TMEM67: variants seen among roughly 807,000 people sequenced by gnomAD.
The protein encoded by TMEM67 is meckelin.
TMEM67 carries 124 observed loss-of-function variants against 136.6 expected under a neutral mutation model. The ratio of observed to expected loss-of-function variants is 0.91; its 90% confidence interval spans 0.78 to 1.05. The LOEUF is 1.05. Ranked by LOEUF, TMEM67 falls within the 50% of genes least tolerant of loss-of-function variation. The probability of loss-of-function intolerance (pLI) is 0.00; values close to 1 mark genes in which losing one functional copy is unlikely to be tolerated. For synonymous variants in TMEM67, 364 were observed against 390.5 expected, an observed-to-expected ratio of 0.93 and a Z score of 0.80; for missense variants, 1,107 against 1,178.4, an observed-to-expected ratio of 0.94 and a Z score of 0.89.
intron 20 of TMEM67, among the ~76,000 whole-genome samples, chr8:93,798,019 C>T (rs971275942): frequency 2.0e-5 from 3 of 152,096 alleles, no homozygotes; most frequent in African/African-American, 7.2e-5. Context: ...GTGTTACGTA[C>T]ATTCACATTG....
Position 93,793,301 on chromosome 8 carries a change from A to G in TMEM67, c.1674+5A>G, listed in dbSNP as rs863224813. ...AGTCCCATGATTGATTTACAGGTAT[A>G]ATCTCAGGAGTTTTTTAAGAATATT... is the stretch of plus-strand genomic sequence containing the variant. On this transcript the variant is annotated splice_donor_5th_base_variant and intron_variant, in intron 16 of 27. Coordinates refer to ENST00000453321, the MANE Select transcript of TMEM67 (RefSeq NM_153704.6). 6.2e-7 allele frequency: 1 copy of G among 1,605,224 alleles called. No individual in the cohort carries two copies. The highest frequency in any genetic ancestry group is 1.3e-5 in the African/African-American group (1 of 74,716).
intron 26 of TMEM67, among the ~76,000 whole-genome samples, chr8:93,811,512 C>T (rs1458916564): frequency 1.3e-5 from 2 of 152,184 alleles, no homozygotes; most frequent in Non-Finnish European, 2.9e-5. Flanking sequence ...TTCACTCTAT[C>T]CTGTAAACCT....
intron 7 of TMEM67, among the ~76,000 whole-genome samples, chr8:93,779,229 A>G (rs1431976466): frequency 1.3e-5 from 2 of 151,978 alleles, no homozygotes; most frequent in African/African-American, 2.4e-5. Context: ...TCTTCTCTAC[A>G]CTGTTTATTC....
At chr8:93,754,880 G>A (rs765696955), upstream of TMEM67, 8 of 1,592,844 alleles carry the variant, frequency 5.0e-6, no homozygotes, top group South Asian at 4.4e-5. Context: ...GGCTGATGGG[G>A]GGCTGGAGGC....
chr8:93,785,323 G>A lies in TMEM67; in HGVS notation c.1233G>A (p.Leu411=), dbSNP rs778615236. The A allele has an allele frequency of 6.2e-7, 1 of 1,609,192 alleles. No individual in the cohort carries two copies. Among genetic ancestry groups the A allele is most frequent in the African/African-American group, 1.3e-5 (1 of 74,826 alleles). ...ATGAAAATCAACATCAATATATTTT[G>A]GCTGTGCCTGTGTTAAACCTAAATC... The part of the protein sequence containing the change: ...YTDENQHQYI[L]AVPVLNLNLQ... The change falls in exon 12 of 28, where the codon TTG becomes TTA. Residue 411 remains leucine (L), a synonymous_variant. Coordinates refer to ENST00000453321, the MANE Select transcript of TMEM67 (RefSeq NM_153704.6).
At chr8:93,779,333 C>T (rs1333936338) in intron 7 of TMEM67, among the ~76,000 whole-genome samples, 1 of 152,074 alleles carries the variant, frequency 6.6e-6, no homozygotes. Flanking sequence ...TTTGTTATTA[C>T]CGACCTTCTG....
At chr8:93,830,022 C>T in the TMEM67 span, among the ~76,000 whole-genome samples, 53 of 152,286 alleles carry the variant, frequency 3.5e-4, no homozygotes, top group African/African-American at 1.3e-3. Flanking sequence ...TGCCCTATAA[C>T]CTGGAGGAAG....
At position 93,804,804 on chromosome 8, in the gene TMEM67, A is replaced by T. The variant is rs763132582; in HGVS notation, c.2365A>T (p.Ile789Phe). Residue 789 changes from isoleucine to phenylalanine, a missense_variant, in exon 23 of 28, where the codon ATT (isoleucine) becomes TTT (phenylalanine). By Grantham distance (21) the Ile-to-Phe change is conservative. This residue lies in a region of TMEM67 where 925 missense variants were observed against 1,002.4 expected (regional missense o/e 0.92). Transcript: ENST00000453321. ...ATCCCACAAATGTTTTGGATATTAC[A>T]TTCATGGTAGATCAGTACATGGGCA... ...LLSHKCFGYY[I>F]HGRSVHGHAD... 1 of 1,608,828 alleles carries T rather than the reference A, an allele frequency of 6.2e-7. No homozygotes were observed. Among genetic ancestry groups the T allele is most frequent in the South Asian group, 1.1e-5 (1 of 90,914 alleles).
chr8:93,789,319 G>T (rs749548999), intron 14 of TMEM67, among the ~76,000 whole-genome samples: 1 of 152,034 alleles, frequency 6.6e-6, no homozygotes, highest in Non-Finnish European at 1.5e-5. Flanking sequence ...ATTAGTTTCC[G>T]TTGACTGAGC....
Position 93,781,744 on chromosome 8 carries a change from G to A in TMEM67, c.1065G>A (p.Gln355=). The change falls in exon 10 of 28, where the codon CAG becomes CAA. Residue 355 remains glutamine (Q), a splice_region_variant and synonymous_variant. Coordinates refer to ENST00000453321, the MANE Select transcript of TMEM67 (RefSeq NM_153704.6). The stretch of plus-strand genomic sequence containing the variant: ...AAACTTTAGAAGGAGGTGTTTTACA[G>A]GTAAGCATGATTCTAGTTAAAGAAT... ...KWQTLEGGVL[Q]LCPDTETRLN... 3 of 1,580,150 alleles carry A rather than the reference G, an allele frequency of 1.9e-6. No homozygotes were observed. The South Asian group carries it at 3.4e-5, about 18-fold the overall frequency.
intron 3 of TMEM67, among the ~76,000 whole-genome samples, chr8:93,763,637 T>G (rs904136910): frequency 2.0e-5 from 3 of 152,214 alleles, no homozygotes; most frequent in African/African-American, 7.2e-5. Flanking sequence ...CTTCTCTTTT[T>G]TTTTGGAGGC....
intron 22 of TMEM67, 58 bp from the exon 23 acceptor site, chr8:93,804,704 A>T: frequency 5.1e-6 from 5 of 981,126 alleles, no homozygotes; most frequent in South Asian, 4.0e-5. Flanking sequence ...GGAAAACTTA[A>T]TTTTTTATTG....
At chr8:93,777,612 C>T (rs1388587073) in intron 7 of TMEM67, among the ~76,000 whole-genome samples, 1 of 152,014 alleles carries the variant, frequency 6.6e-6, no homozygotes, top group East Asian at 1.9e-4. Context: ...CATTATTTAC[C>T]CAGTAGTCAT....
chr8:93,828,881 T>C, the TMEM67 span, among the ~76,000 whole-genome samples: 2 of 152,200 alleles, frequency 1.3e-5, no homozygotes, highest in Non-Finnish European at 2.9e-5. Context: ...TTTAGTTCAT[T>C]TTTATTATAA....
At chr8:93,786,106 G>A (rs1252983315) in intron 12 of TMEM67, 117 bp from the exon 13 acceptor site, 1 of 940,412 alleles carries the variant, frequency 1.1e-6, no homozygotes, top group East Asian at 2.5e-5. Context: ...ACATGAGTTA[G>A]AGAACGCCAT....
At chr8:93,770,051 C>T (rs529992009) in intron 6 of TMEM67, among the ~76,000 whole-genome samples, 1 of 152,296 alleles carries the variant, frequency 6.6e-6, no homozygotes, top group Admixed American at 6.5e-5. Context: ...CCCTTTCCCT[C>T]AAATACATTA....
chr8:93,809,259 T>G, intron 25 of TMEM67, 98 bp downstream of exon 25: 2 of 776,178 alleles, frequency 2.6e-6, no homozygotes, highest in Non-Finnish European at 4.6e-6. Context: ...ACCAAGTCAG[T>G]AAACTTAGAA....
At chr8:93,779,277 A>G (rs1488286771) in intron 7 of TMEM67, among the ~76,000 whole-genome samples, 2 of 152,130 alleles carry the variant, frequency 1.3e-5, no homozygotes, top group Non-Finnish European at 2.9e-5. Context: ...CAAGGTTTTT[A>G]GCTTCCTTCC....
intron 21 of TMEM67, among the ~76,000 whole-genome samples, chr8:93,802,950 G>A (rs750481688): frequency 1.3e-5 from 2 of 152,172 alleles, no homozygotes; most frequent in Non-Finnish European, 2.9e-5. Context: ...ACATGAGATA[G>A]AGAGTAACTA....
Sources: allele counts gnomAD v4.1 joint callset (sites outside exome capture counted in the v4.1 genomes callset), GRCh38; gene constraint gnomAD v4.1.1; regional missense constraint gnomAD v4.1.1; transcripts MANE v1.5; gene names NCBI Gene and HGNC (gene_info 2026-07-23, HGNC 2026-07-21).